The following HIP1 variants were observed in gnomAD, a reference collection of about 807,000 sequenced individuals.
The protein encoded by HIP1 is huntingtin-interacting protein 1.
HIP1 carries 65 observed loss-of-function variants against 147.6 expected under a neutral mutation model. The ratio of observed to expected loss-of-function variants is 0.44; its 90% confidence interval spans 0.36 to 0.54. The LOEUF (loss-of-function observed/expected upper bound fraction) is 0.54. HIP1 is among the 20% of genes least tolerant of loss of function. The probability of loss-of-function intolerance (pLI) is 0.00; values close to 1 mark genes in which losing one functional copy is unlikely to be tolerated. For missense variants in HIP1, 1,061 were observed against 1,299.6 expected (o/e 0.82, Z 2.82); for synonymous variants, 479 against 504.0 (o/e 0.95, Z 0.67).
Position 75,568,070 on chromosome 7 carries a change from C to A in HIP1, c.803+129G>T. On this transcript the variant is annotated intron_variant, in intron 9 of 30. Transcript: ENST00000336926. The surrounding 1 kb of genome is among the most constrained non-coding windows in gnomAD (Gnocchi z 4.1). ...GCCTCAAGTGATCCTCCCGCCTCAG[C>A]CTCCCAAAGAGTTGGGGTTACAGGC... The A allele has an allele frequency of 4.2e-6, 3 of 711,772 alleles. No individual in the cohort carries two copies. The highest frequency in any genetic ancestry group is 2.7e-5 in the East Asian group (1 of 37,710). 44.1% of individuals were successfully genotyped at this position (711,772 alleles called of 1,614,324 possible). A position where few individuals can be genotyped will look rare whatever the true frequency, so the allele number is the denominator to read the frequency against.
In HIP1 at chr7:75,695,418, C is replaced by T. The variant is rs145612023; in HGVS notation, c.120+43383G>A. ...AGTTATTCTCCTTGTTTTCAGCATC[C>T]GCTATACCCAAACCTCTGCCACATG... On this transcript the variant is annotated intron_variant, in intron 1 of 30. Transcript: ENST00000336926. 2.5e-4 allele frequency among the ~76,000 whole-genome samples: 38 copies of T among 152,224 alleles called. 1 individual carries two copies. In the East Asian group the frequency reaches 5.4e-3, roughly 22 times the overall value.
chr7:75,706,086 G>T (rs559378732), intron 1 of HIP1, among the ~76,000 whole-genome samples: 2 of 151,912 alleles, frequency 1.3e-5, no homozygotes, highest in South Asian at 4.2e-4. Context: ...GTAGAGATGG[G>T]GTTTCACCAT....
intron 1 of HIP1, among the ~76,000 whole-genome samples, chr7:75,683,045 C>A (rs537718815): frequency 1.3e-5 from 2 of 151,764 alleles, no homozygotes; most frequent in Non-Finnish European, 2.9e-5. Flanking sequence ...TGCAGTGGTG[C>A]GATCTCGGCT....
chr7:75,563,260 C>T lies in HIP1; in HGVS notation c.807G>A (p.Leu269=). 6.2e-7 allele frequency: 1 copy of T among 1,614,144 alleles called. No individual in the cohort carries two copies. Among genetic ancestry groups the T allele is most frequent in the East Asian group, 2.2e-5 (1 of 44,884 alleles). Residue 269 remains leucine, a synonymous_variant, in exon 10 of 31, where the codon TTG becomes TTA. Transcript: ENST00000336926. ...TGCTGGAGCGGTAGAACAGATCTTT[C>T]AACCTAGGGGTGGAGAAGGACCTGA... ...RDRFMEQFTK[L]KDLFYRSSNL...
intron 6 of HIP1, 39 bp downstream of exon 6, chr7:75,582,036 G>A (rs782736191): frequency 3.2e-6 from 5 of 1,545,482 alleles, no homozygotes; most frequent in Non-Finnish European, 4.5e-6. Flanking sequence ...ATTCACAAAA[G>A]CTTTCTCCCT....
chr7:75,587,302 G>T (rs137912365), intron 4 of HIP1, among the ~76,000 whole-genome samples: 110 of 152,080 alleles, frequency 7.2e-4, no homozygotes, highest in African/African-American at 2.6e-3. Flanking sequence ...GACTAGTCTC[G>T]AACTTCTGAT....
intron 1 of HIP1, among the ~76,000 whole-genome samples, chr7:75,679,106 C>CA (rs1455810397): frequency 2.0e-5 from 3 of 152,208 alleles, no homozygotes; most frequent in Non-Finnish European, 2.9e-5. Flanking sequence ...CTATGACCCC[C>CA]CTTCTTCCTT....
At chr7:75,732,347 CT>C (rs1345749767) in intron 1 of HIP1, among the ~76,000 whole-genome samples, 4 of 152,034 alleles carry the variant, frequency 2.6e-5, no homozygotes, top group Non-Finnish European at 5.9e-5. Flanking sequence ...TATCCACCGA[CT>C]TTTTTTGTTT....
At chr7:75,589,809 T>C (rs1796430088) in intron 4 of HIP1, among the ~76,000 whole-genome samples, 1 of 149,832 alleles carries the variant, frequency 6.7e-6, no homozygotes, top group Non-Finnish European at 1.5e-5. Flanking sequence ...CGGCTCACTG[T>C]GAACTCCGCC....
rs587709311 is a variant in HIP1, at chr7:75,604,927, G to A, written c.121-5680C>T. Among the ~76,000 whole-genome samples, 5 of 152,182 alleles carry A rather than the reference G, an allele frequency of 3.3e-5. No individual in the cohort carries two copies. In the South Asian group the frequency reaches 1.0e-3, roughly 32 times the overall value. On this transcript the variant is annotated intron_variant, in intron 1 of 30. Transcript: ENST00000336926. ...CATAAGCCACGTAAAATAATATACC[G>A]TGAGTTTGTGACTATGGATCCACTG... is the stretch of plus-strand genomic sequence containing the variant.
At chr7:75,698,035 C>T (rs1800695639) in intron 1 of HIP1, among the ~76,000 whole-genome samples, 1 of 152,070 alleles carries the variant, frequency 6.6e-6, no homozygotes, top group South Asian at 2.1e-4. Context: ...CACTATGCTG[C>T]TCAAGCTGAT....
chr7:75,639,562 C>CGTGTGTGT (rs57827695), intron 1 of HIP1, among the ~76,000 whole-genome samples: 1,386 of 137,438 alleles, frequency 0.01, 13 homozygotes, highest in African/African-American at 0.019. Flanking sequence ...CGCCAGGAAG[C>CGTGTGTGT]GTGTGTGTGT....
chr7:75,676,098 G>A (rs1426402667), intron 1 of HIP1, among the ~76,000 whole-genome samples: 4 of 152,034 alleles, frequency 2.6e-5, no homozygotes, highest in African/African-American at 9.7e-5. Flanking sequence ...CCCTCTGTAG[G>A]GTTTGTTCTT....
At chr7:75,687,489 C>T (rs555629727) in intron 1 of HIP1, among the ~76,000 whole-genome samples, 2 of 152,226 alleles carry the variant, frequency 1.3e-5, no homozygotes, top group Admixed American at 6.5e-5. Context: ...GTCAGGAGTT[C>T]GAGACCAGCC....
chr7:75,653,528 C>T (rs782763458), intron 1 of HIP1, among the ~76,000 whole-genome samples: 16 of 151,924 alleles, frequency 1.1e-4, no homozygotes, highest in Non-Finnish European at 2.1e-4. Flanking sequence ...GTAGTGCATG[C>T]CTGTAGTACC....
chr7:75,681,805 C>A (rs557427704), intron 1 of HIP1, among the ~76,000 whole-genome samples: 1 of 151,618 alleles, frequency 6.6e-6, no homozygotes. Flanking sequence ...CTGGCCAGCA[C>A]CTGCTCTTCT....
Position 75,625,621 on chromosome 7 carries a change from T to TA in HIP1, c.121-26375dup, listed in dbSNP as rs373074311. The stretch of plus-strand genomic sequence containing the variant: ...GGGACTGGTGAACAGTCACTGTTTC[T>TA]AGTGAGTAGAAAAGCAGAGATGGGG... On this transcript the variant is annotated intron_variant, in intron 1 of 30. Coordinates refer to ENST00000336926, the MANE Select transcript of HIP1 (RefSeq NM_005338.7). 105 of 152,326 alleles carry TA rather than the reference T, an allele frequency of 6.9e-4. 1 individual carries two copies. Among genetic ancestry groups the TA allele is most frequent in the African/African-American group, 2.3e-3 (97 of 41,566 alleles). 9.4% of individuals were successfully genotyped at this position (152,326 alleles called of 1,614,324 possible).
At chr7:75,625,994 T>TG (rs1340808733) in intron 1 of HIP1, 5 of 152,246 alleles carry the variant, frequency 3.3e-5, no homozygotes, top group African/African-American at 1.2e-4. Flanking sequence ...CCTTTTTTTT[T>TG]GCCATGTGAG....
intron 30 of HIP1, among the ~76,000 whole-genome samples, chr7:75,538,609 C>G (rs587681782): frequency 7.4e-4 from 102 of 137,354 alleles, no homozygotes; most frequent in African/African-American, 2.8e-3. Context: ...GAGTCTCGCT[C>G]TGTTGCCCAG....
Sources: gnomAD v4.1 joint callset for allele counts (sites outside exome capture counted in the v4.1 genomes callset) on GRCh38, gnomAD v4.1.1 for gene constraint, Gnocchi (gnomAD v3.1) non-coding constraint, MANE v1.5 for transcripts, NCBI Gene and HGNC (gene_info 2026-07-23, HGNC 2026-07-21) for gene names.